Variants in DHRS3 observed in about 807,000 individuals in gnomAD.
The protein encoded by DHRS3 is short-chain dehydrogenase/reductase 3.
In DHRS3, 14 loss-of-function variants were observed where a neutral mutation model predicts 27.2. The observed-to-expected ratio is 0.52, with a 90% CI of 0.34 to 0.81. DHRS3 has a LOEUF of 0.81. DHRS3 is among the 30% of genes least tolerant of loss of function. DHRS3 has a pLI of 0.01. For missense variants in DHRS3, 322 were observed against 406.2 expected, an observed-to-expected ratio of 0.79 and a Z score of 1.78; for synonymous variants, 165 against 175.9, an observed-to-expected ratio of 0.94 and a Z score of 0.49.
chr1:12,579,428 A>G lies in DHRS3; in HGVS notation c.340-16T>C. On this transcript the variant is annotated splice_polypyrimidine_tract_variant and intron_variant, in intron 2 of 5. Transcript: ENST00000616661. The stretch of plus-strand genomic sequence containing the variant: ...TGTCACCCACCTGCAGGCGAGAGGG[A>G]GCCACGGGGCCATGAGGGCAGCCAG... The G allele has an allele frequency of 6.2e-7, 1 of 1,612,982 alleles. No homozygotes were observed. Among genetic ancestry groups the G allele is most frequent in the South Asian group, 1.1e-5 (1 of 91,016 alleles).
chr1:12,578,705 C>T lies in DHRS3; in HGVS notation c.698+13G>A, dbSNP rs1646613874. The T allele has an allele frequency of 6.2e-7, 1 of 1,605,988 alleles. No individual in the cohort carries two copies. Among genetic ancestry groups the T allele is most frequent in the South Asian group, 1.1e-5 (1 of 90,944 alleles). On this transcript the variant is annotated intron_variant, in intron 4 of 5. Transcript: ENST00000616661. This position sits in a 1 kb window ranked among gnomAD's most constrained non-coding sequence, Gnocchi z 4.5. ...AGAAGGCTGGTCTCAAGGTGGGTCC[C>T]CTGCTCACTGACCTGACTCTCATGC... is the stretch of plus-strand genomic sequence containing the variant.
chr1:12,569,231 T>TCTCACACACA lies in DHRS3; in HGVS notation c.825-808_825-807insTGTGTGTGAG, dbSNP rs1557509331. On this transcript the variant is annotated intron_variant, in intron 5 of 5. Coordinates refer to ENST00000616661, the MANE Select transcript of DHRS3 (RefSeq NM_004753.7). ...AAACTCTGTCCCCTCTCTCTCTCTC[T>TCTCACACACA]CACACACACACACACACACACACAC... Among the ~76,000 whole-genome samples, 1,009 of 110,526 alleles carry TCTCACACACA rather than the reference T, an allele frequency of 9.1e-3. 8 individuals are homozygous for TCTCACACACA. Among genetic ancestry groups the TCTCACACACA allele is most frequent in the East Asian group, 0.034 (159 of 4,662 alleles). 72.5% of individuals were successfully genotyped at this position (110,526 alleles called of 152,430 possible).
rs1180036473 is a variant in DHRS3, at chr1:12,580,723, C to A, written c.196-57G>T. On this transcript the variant is annotated intron_variant, in intron 1 of 5. Transcript: ENST00000616661. ...TGGTCATTAAGCCACAGTGATGCAA[C>A]AATTGCCACCAGAAATTCAGGATTT... is the stretch of plus-strand genomic sequence containing the variant. The A allele has an allele frequency of 7.7e-6, 12 of 1,549,430 alleles. No individual in the cohort carries two copies. The East Asian group carries it at 1.6e-4, about 20-fold the overall frequency.
At chr1:12,572,500 C>T (rs890827717) in intron 5 of DHRS3, among the ~76,000 whole-genome samples, 6 of 152,152 alleles carry the variant, frequency 3.9e-5, no homozygotes, top group African/African-American at 1.4e-4. Context: ...TAGTAAATAG[C>T]GATAGCTACA....
chr1:12,616,670 T>G (rs975974572), intron 1 of DHRS3: 10 of 997,460 alleles, frequency 1.0e-5, no homozygotes, highest in South Asian at 4.5e-5. Context: ...CCAAGTACCC[T>G]CTCTCGTGTC....
At chr1:12,579,704 C>A in intron 2 of DHRS3, 1 of 293,038 alleles carries the variant, frequency 3.4e-6, no homozygotes, top group South Asian at 3.9e-5. Context: ...TTGTTCTGAC[C>A]TCAAGTGACC....
intron 1 of DHRS3, chr1:12,616,469 C>A (rs1403721604): frequency 1.2e-6 from 1 of 825,314 alleles, no homozygotes; most frequent in Non-Finnish European, 1.5e-6. Flanking sequence ...CACCTTCCAG[C>A]TAAATGGGGA....
At chr1:12,585,277 C>CTGTGTGTGTCTCTCTATGTGAGTGTATG (rs1646686602) in intron 1 of DHRS3, among the ~76,000 whole-genome samples, 1 of 147,434 alleles carries the variant, frequency 6.8e-6, no homozygotes, top group Admixed American at 6.7e-5. Context: ...CTCTCTGTGT[C>CTGTGTGTGTCTCTCTATGTGAGTGTATG]TGTGTGTGTC....
chr1:12,570,751 T>C (rs12068194), intron 5 of DHRS3, among the ~76,000 whole-genome samples: 2,909 of 152,242 alleles, frequency 0.019, 101 homozygotes, highest in African/African-American at 0.066. Flanking sequence ...CCTGAGCCCC[T>C]GATCAACTAG....
chr1:12,586,478 C>G lies in DHRS3; in HGVS notation c.196-5812G>C, dbSNP rs949353173. Among the ~76,000 whole-genome samples, 1 of 151,120 alleles carries G rather than the reference C, an allele frequency of 6.6e-6. No homozygotes were observed. Among genetic ancestry groups the G allele is most frequent in the East Asian group, 2.0e-4 (1 of 5,020 alleles). ...ACAGCCCCGTCCATCCAGCACCACA[C>G]GGACAGCCGGCTATGGGCTGGGGTG... On this transcript the variant is annotated intron_variant, in intron 1 of 5. Coordinates refer to ENST00000616661, the MANE Select transcript of DHRS3 (RefSeq NM_004753.7). The surrounding 1 kb of genome is among the most constrained non-coding windows in gnomAD (Gnocchi z 5.0).
intron 1 of DHRS3, among the ~76,000 whole-genome samples, chr1:12,601,413 C>T (rs574303367): frequency 1.3e-5 from 2 of 152,208 alleles, no homozygotes; most frequent in African/African-American, 4.8e-5. Context: ...GGTTACGTTA[C>T]GAGCAGCAGG....
At chr1:12,569,470 A>C (rs1646516799) in intron 5 of DHRS3, among the ~76,000 whole-genome samples, 1 of 152,182 alleles carries the variant, frequency 6.6e-6, no homozygotes, top group African/African-American at 2.4e-5. Context: ...TATAATAATC[A>C]CATCAGCATA....
At position 12,592,584 on chromosome 1, in the gene DHRS3, G is replaced by A. The variant is rs776887633; in HGVS notation, c.196-11918C>T. Among the ~76,000 whole-genome samples, 1 of 152,232 alleles carries A rather than the reference G, an allele frequency of 6.6e-6. No individual in the cohort carries two copies. The highest frequency in any genetic ancestry group is 1.5e-5 in the Non-Finnish European group (1 of 68,032). Reference sequence around the variant, plus strand: ...ATCCTTCCCTAGAGCCCGGGAGGGAGTGGGGCCCTGCTGACACCTGGAGTT... The same window carrying A: ...ATCCTTCCCTAGAGCCCGGGAGGGAATGGGGCCCTGCTGACACCTGGAGTT... On this transcript the variant is annotated intron_variant, in intron 1 of 5. Transcript: ENST00000616661. This position sits in a 1 kb window ranked among gnomAD's most constrained non-coding sequence, Gnocchi z 4.2.
Position 12,600,676 on chromosome 1 carries a change from G to A in DHRS3, c.195+16478C>T, listed in dbSNP as rs1646829699. Among the ~76,000 whole-genome samples, 3 of 152,128 alleles carry A rather than the reference G, an allele frequency of 2.0e-5. 1 individual carries two copies. The South Asian group carries it at 6.2e-4, about 31-fold the overall frequency. On this transcript the variant is annotated intron_variant, in intron 1 of 5. Coordinates refer to ENST00000616661, the MANE Select transcript of DHRS3 (RefSeq NM_004753.7). ...GAAGACCCCCCTCACCAACCACCTT[G>A]GAAGGACCCAATATCATCTCTGTTC... is the stretch of plus-strand genomic sequence containing the variant.
At chr1:12,589,273 A>T (rs1646725050) in intron 1 of DHRS3, among the ~76,000 whole-genome samples, 1 of 152,184 alleles carries the variant, frequency 6.6e-6, no homozygotes, top group Admixed American at 6.5e-5. Context: ...AGCTTAGAAC[A>T]TGGGCTCTGG....
At position 12,608,814 on chromosome 1, in the gene DHRS3, C is replaced by T. The variant is rs1570400923; in HGVS notation, c.195+8340G>A. 6.6e-6 allele frequency among the ~76,000 whole-genome samples: 1 copy of T among 152,194 alleles called. No homozygotes were observed. The highest frequency in any genetic ancestry group is 6.5e-5 in the Admixed American group (1 of 15,282). On this transcript the variant is annotated intron_variant, in intron 1 of 5. Transcript: ENST00000616661. This position sits in a 1 kb window ranked among gnomAD's most constrained non-coding sequence, Gnocchi z 4.1. ...CATGGGCCTCCAGAACCATCTAGAA[C>T]AGGTCCCATGCCTCTGTGGTACTGG...
At chr1:12,609,919 C>A (rs1646895381) in intron 1 of DHRS3, among the ~76,000 whole-genome samples, 1 of 152,168 alleles carries the variant, frequency 6.6e-6, no homozygotes. Context: ...TGCTCCCTTC[C>A]CACCATGCCC....
intron 1 of DHRS3, among the ~76,000 whole-genome samples, chr1:12,612,138 C>T (rs1357293783): frequency 6.6e-6 from 1 of 152,044 alleles, no homozygotes; most frequent in African/African-American, 2.4e-5. Flanking sequence ...TAAGCAGAAA[C>T]ACTTCCAGAT....
At chr1:12,582,619 G>GT in intron 1 of DHRS3, among the ~76,000 whole-genome samples, 1 of 152,082 alleles carries the variant, frequency 6.6e-6, no homozygotes, top group Non-Finnish European at 1.5e-5. Context: ...ACAAACATTT[G>GT]TTCCAGGCAG....
Sources: gnomAD v4.1 joint callset for allele counts (sites outside exome capture counted in the v4.1 genomes callset) on GRCh38, gnomAD v4.1.1 for gene constraint, Gnocchi (gnomAD v3.1) non-coding constraint, MANE v1.5 for transcripts, NCBI Gene and HGNC (gene_info 2026-07-23, HGNC 2026-07-21) for gene names.